The following SCN4A variants were observed in gnomAD, a reference collection of about 807,000 sequenced individuals.
SCN4A encodes sodium voltage-gated channel alpha subunit 4.
A neutral mutation model predicts 162.0 loss-of-function variants in SCN4A; 83 were observed. The ratio of observed to expected loss-of-function variants is 0.51; its 90% CI spans 0.43 to 0.61. The LOEUF (loss-of-function observed/expected upper bound fraction) is 0.61, where lower values mean the gene tolerates loss of function less well. Ranked by LOEUF, SCN4A falls within the 20% of genes least tolerant of loss-of-function variation. SCN4A has a pLI of 0.00. For synonymous variants in SCN4A, 944 were observed against 985.1 expected (o/e 0.96, Z 0.78); for missense variants, 2,196 against 2,462.5 (o/e 0.89, Z 2.29).
At chr17:63,967,222 G>A (rs1024134401) in intron 6 of SCN4A, among the ~76,000 whole-genome samples, 5 of 152,096 alleles carry the variant, frequency 3.3e-5, no homozygotes, top group East Asian at 1.9e-4. Context: ...GCATGATCTC[G>A]GTTCACTGCA....
In SCN4A at chr17:63,971,920, C is replaced by T. The variant is rs1055762241; in HGVS notation, c.483-70G>A. The T allele has an allele frequency of 2.6e-6, 4 of 1,519,778 alleles. No homozygotes were observed. The East Asian group carries it at 6.8e-5, about 26-fold the overall frequency. The allele number at this position is 1,519,778 out of a possible 1,614,324, so 94.1% of individuals were successfully genotyped here. On this transcript the variant is annotated intron_variant, in intron 3 of 23. Coordinates refer to ENST00000435607, the MANE Select transcript of SCN4A (RefSeq NM_000334.4). ...GGGGTCAGTGTGGCAACGACAGACC[C>T]CCAGAAGGGAGGGACACAGAAATGA...
intron 5 of SCN4A, among the ~76,000 whole-genome samples, chr17:63,970,756 C>T (rs917761710): frequency 7.2e-5 from 11 of 152,112 alleles, no homozygotes; most frequent in African/African-American, 2.7e-4. Flanking sequence ...GCCTCAGCCT[C>T]CTGAGTAGAT....
chr17:63,951,537 A>C lies in SCN4A; in HGVS notation c.2740T>G (p.Phe914Val). 1 of 1,613,894 alleles carries C rather than the reference A, an allele frequency of 6.2e-7. No individual in the cohort carries two copies. The highest frequency in any genetic ancestry group is 1.3e-5 in the African/African-American group (1 of 75,004). Residue 914 changes from phenylalanine (F) to valine (V), a missense_variant, in exon 14 of 24, where the codon TTC becomes GTC. Transcript: ENST00000435607. The surrounding 1 kb of genome is among the most constrained non-coding windows in gnomAD (Gnocchi z 4.5). ...PSSLELDHLN[F>V]INNPYLTIQV... ...ATGGTCAGGTAGGGGTTGTTGATGA[A>C]GTTAAGGTGGTCCAGCTCGAGGCTG...
chr17:63,945,488 A>T lies in SCN4A; in HGVS notation c.3592T>A (p.Phe1198Ile), dbSNP rs1364270543. The T allele has an allele frequency of 1.2e-6, 2 of 1,613,894 alleles. No homozygotes were observed. Among genetic ancestry groups the T allele is most frequent in the Admixed American group, 3.3e-5 (2 of 60,028 alleles). Residue 1198 changes from phenylalanine to isoleucine, a missense_variant, in exon 19 of 24, where the codon TTC becomes ATC. Transcript: ENST00000435607. This position sits in a 1 kb window ranked among gnomAD's most constrained non-coding sequence, Gnocchi z 4.4. ...TTGTTGTTGACCTCGGAGATGTCGA[A>T]CCTCTCAGAGGTGGTGGTGTTGATG... The part of the protein sequence containing the change: ...YCINTTTSER[F>I]DISEVNNKSE...
intron 13 of SCN4A, among the ~76,000 whole-genome samples, chr17:63,953,334 G>A (rs947019932): frequency 4.0e-5 from 6 of 150,630 alleles, no homozygotes; most frequent in East Asian, 2.0e-4. Flanking sequence ...CACTCCAGCC[G>A]GGGCGACAGA....
chr17:63,960,709 C>T (rs1909220664), intron 11 of SCN4A, among the ~76,000 whole-genome samples: 1 of 152,056 alleles, frequency 6.6e-6, no homozygotes. Context: ...AGCCTGGCCA[C>T]GCTGGAGAAA....
In SCN4A at chr17:63,942,756, C is replaced by T. The variant is rs528160328; in HGVS notation, c.4288+70G>A. 25 of 1,489,860 alleles carry T rather than the reference C, an allele frequency of 1.7e-5. No individual in the cohort carries two copies. In the African/African-American group the frequency reaches 1.9e-4, roughly 11 times the overall value. 92.3% of individuals were successfully genotyped at this position (1,489,860 alleles called of 1,614,324 possible). On this transcript the variant is annotated intron_variant, in intron 23 of 23. Coordinates refer to ENST00000435607, the MANE Select transcript of SCN4A (RefSeq NM_000334.4). ...GTGAGGGTGCAGGGGCAGGTGTGTC[C>T]GTGTGAGGATGGGTCTTCCCGAGTG... is the stretch of plus-strand genomic sequence containing the variant.
intron 6 of SCN4A, among the ~76,000 whole-genome samples, 185 bp downstream of exon 6, chr17:63,967,838 C>G (rs1909496409): frequency 6.6e-6 from 1 of 151,114 alleles, no homozygotes; most frequent in South Asian, 2.1e-4. Context: ...GAGGCTGAGG[C>G]AGGAGAATCG....
rs755915574 is a variant in SCN4A at position 63,966,130 on chromosome 17, T to C, written c.1214A>G (p.Gln405Arg). 6.3e-7 allele frequency: 1 copy of C among 1,588,740 alleles called. No individual in the cohort carries two copies. The highest frequency in any genetic ancestry group is 1.8e-5 in the Admixed American group (1 of 55,890). Residue 405 changes from glutamine to arginine, a missense_variant, in exon 8 of 24, where the codon CAG (glutamine) becomes CGG (arginine). Transcript: ENST00000435607. The stretch of plus-strand genomic sequence containing the variant: ...CTGGAAGAGGTTCTCCCAATAGTCC[T>C]GTGTCATGAGGCGGAAGAGAGCCAA... ...AFLALFRLMT[Q>R]DYWENLFQLT... is the part of the protein sequence containing the mutation.
chr17:63,941,880 T>C lies in SCN4A; in HGVS notation c.4402A>G (p.Ile1468Val), dbSNP rs748620733. 10 of 1,613,740 alleles carry C rather than the reference T, an allele frequency of 6.2e-6. No homozygotes were observed. In the East Asian group the frequency reaches 2.2e-4, roughly 36 times the overall value. ...VLRLIRGAKG[I>V]RTLLFALMMS... ...ATGAGGGCGAACAGCAGCGTCCGGATGCCCTTGGCCCCGCGGATCAGCCGC... is the reference window on the plus strand; with the variant it reads ...ATGAGGGCGAACAGCAGCGTCCGGACGCCCTTGGCCCCGCGGATCAGCCGC... The change falls in exon 24 of 24, where the codon ATC becomes GTC. Residue 1468 changes from isoleucine to valine, a missense_variant. Physicochemically the swap from Ile to Val is conservative, Grantham distance 29. Transcript: ENST00000435607. This position sits in a 1 kb window ranked among gnomAD's most constrained non-coding sequence, Gnocchi z 6.2.
intron 8 of SCN4A, among the ~76,000 whole-genome samples, 195 bp from the exon 9 acceptor site, chr17:63,964,872 C>T (rs570969563): frequency 1.3e-4 from 20 of 152,278 alleles, no homozygotes; most frequent in Non-Finnish European, 2.6e-4. Context: ...GGGACTCAAA[C>T]GTTTCTGGTC....
intron 8 of SCN4A, among the ~76,000 whole-genome samples, chr17:63,965,615 A>C: frequency 6.6e-6 from 1 of 152,014 alleles, no homozygotes; most frequent in East Asian, 1.9e-4. Flanking sequence ...CAGCCTCCTG[A>C]GTAGCTGGGA....
Position 63,971,789 on chromosome 17 carries a change from A to G in SCN4A, c.544T>C (p.Cys182Arg). The change falls in exon 4 of 24, where the codon TGT becomes CGT. Residue 182 changes from cysteine (C) to arginine (R), a missense_variant. Coordinates refer to ENST00000435607, the MANE Select transcript of SCN4A (RefSeq NM_000334.4). ...CGGAGGAATGTGAAGTCGTCGACAC[A>G]GAAGCCTCGGGCCAGTATCTTGATG... ...SLIKILARGF[C>R]VDDFTFLRDP... The G allele has an allele frequency of 6.2e-7, 1 of 1,613,418 alleles. No homozygotes were observed. The highest frequency in any genetic ancestry group is 1.3e-5 in the African/African-American group (1 of 74,998).
At chr17:63,952,022 G>T (rs532011647) in intron 13 of SCN4A, 122 bp from the exon 14 acceptor site, 3 of 621,436 alleles carry the variant, frequency 4.8e-6, no homozygotes, top group South Asian at 4.0e-5. Flanking sequence ...GCATTTAAAA[G>T]AACGCCACCT....
chr17:63,970,445 A>C (rs2062198172), intron 5 of SCN4A, among the ~76,000 whole-genome samples: 1 of 152,132 alleles, frequency 6.6e-6, no homozygotes, highest in Non-Finnish European at 1.5e-5. Context: ...AATTGAACCC[A>C]GGCAGTCAGG....
In SCN4A at chr17:63,948,638, GAA is replaced by G; in HGVS notation, c.3115_3116del (p.Phe1039HisfsTer17). 6.2e-7 allele frequency: 1 copy of G among 1,613,850 alleles called. No individual in the cohort carries two copies. The highest frequency in any genetic ancestry group is 8.5e-7 in the Non-Finnish European group (1 of 1,179,876). Reference protein sequence around the residue: ...EHNWFETFIVFMILLSSGALA... With the variant: ...EHNWFETFIVXMILLSSGALA... ...GAGCCCCACTGCTGAGCAGGATCAT[GAA>G]GACAATGAAGGTCTCGAACCAGTTG... is the stretch of plus-strand genomic sequence containing the variant. On this transcript the variant is annotated frameshift_variant, in exon 16 of 24. Transcript: ENST00000435607. LOFTEE classifies it high-confidence loss of function.
chr17:63,947,623 T>C (rs1308338190), intron 17 of SCN4A, among the ~76,000 whole-genome samples: 2 of 152,182 alleles, frequency 1.3e-5, no homozygotes, highest in Non-Finnish European at 2.9e-5. Flanking sequence ...AGTAAGAAAC[T>C]CCTCCACTCC....
rs781276397 is a variant in SCN4A at position 63,941,392 on chromosome 17, G to A, written c.4890C>T (p.Asp1630=). ...GGCTGTAGGCGATGAACTGGGTGGC[G>A]TCGGGGTCGAACTTCTCCCATGTCT... ...FYETWEKFDP[D]ATQFIAYSRL... Residue 1630 remains aspartate (D), a synonymous_variant, in exon 24 of 24, where the codon GAC becomes GAT. Coordinates refer to ENST00000435607, the MANE Select transcript of SCN4A (RefSeq NM_000334.4). The surrounding 1 kb of genome is among the most constrained non-coding windows in gnomAD (Gnocchi z 6.2). The A allele has an allele frequency of 7.4e-6, 12 of 1,613,800 alleles. No homozygotes were observed. Among genetic ancestry groups the A allele is most frequent in the African/African-American group, 1.3e-5 (1 of 74,882 alleles).
At position 63,941,862 on chromosome 17, in the gene SCN4A, CG is replaced by C; in HGVS notation, c.4419del (p.Phe1473LeufsTer4). Reference protein sequence around the residue: ...RGAKGIRTLLFALMMSLPALF... With the variant: ...RGAKGIRTLLXALMMSLPALF... ...AGGGCAGGCAGCGACATCATGAGGG[CG>C]AACAGCAGCGTCCGGATGCCCTTGG... On this transcript the variant is annotated frameshift_variant, in exon 24 of 24. Coordinates refer to ENST00000435607, the MANE Select transcript of SCN4A (RefSeq NM_000334.4). LOFTEE classifies it high-confidence loss of function. This position sits in a 1 kb window ranked among gnomAD's most constrained non-coding sequence, Gnocchi z 6.2. 6.2e-7 allele frequency: 1 copy of C among 1,614,008 alleles called. No homozygotes were observed. Among genetic ancestry groups the C allele is most frequent in the Non-Finnish European group, 8.5e-7 (1 of 1,179,846 alleles).
Sources: allele counts gnomAD v4.1 joint callset (sites outside exome capture counted in the v4.1 genomes callset), GRCh38; gene constraint gnomAD v4.1.1; non-coding constraint Gnocchi (gnomAD v3.1); transcripts MANE v1.5; gene names NCBI Gene and HGNC (gene_info 2026-07-23, HGNC 2026-07-21).